Variants in SEMA4D observed in about 807,000 individuals in gnomAD.
The protein encoded by SEMA4D is semaphorin 4D.
SEMA4D carries 22 observed loss-of-function variants against 74.8 expected under a neutral mutation model. The ratio of observed to expected loss-of-function variants is 0.29; its 90% CI spans 0.21 to 0.42. SEMA4D has a LOEUF of 0.42. Ranked by LOEUF, SEMA4D falls within the 10% of genes least tolerant of loss-of-function variation. The pLI is 1.00. For synonymous variants in SEMA4D, 445 were observed against 463.7 expected (o/e 0.96, Z 0.52); for missense variants, 937 against 1,118.4 (o/e 0.84, Z 2.31).
chr9:89,399,065 A>G (rs1841625943), intron 5 of SEMA4D, among the ~76,000 whole-genome samples: 1 of 152,238 alleles, frequency 6.6e-6, no homozygotes, highest in African/African-American at 2.4e-5. Flanking sequence ...AAGGCCAAAT[A>G]TGTTTGGCAC....
intron 7 of SEMA4D, among the ~76,000 whole-genome samples, 193 bp downstream of exon 7, chr9:89,393,369 G>A (rs935379506): frequency 3.3e-5 from 5 of 152,200 alleles, no homozygotes; most frequent in African/African-American, 7.2e-5. Context: ...TTACCATGGC[G>A]GCTATTATCC....
chr9:89,479,346 C>T (rs943662424), intron 1 of SEMA4D, among the ~76,000 whole-genome samples: 1 of 152,246 alleles, frequency 6.6e-6, no homozygotes, highest in African/African-American at 2.4e-5. Flanking sequence ...TTAAAAACTA[C>T]AGCTTTTCGC....
chr9:89,488,117 T>C (rs1374386578), intron 1 of SEMA4D, among the ~76,000 whole-genome samples: 2 of 152,198 alleles, frequency 1.3e-5, no homozygotes, highest in Non-Finnish European at 2.9e-5. Flanking sequence ...TACTGGGACC[T>C]ATGAGGAATA....
chr9:89,466,455 G>A (rs1447361544), intron 1 of SEMA4D, among the ~76,000 whole-genome samples: 1 of 152,066 alleles, frequency 6.6e-6, no homozygotes, highest in African/African-American at 2.4e-5. Flanking sequence ...CCTGGGACAC[G>A]CTAACACTCA....
At chr9:89,452,430 G>A (rs1007843863) in intron 2 of SEMA4D, among the ~76,000 whole-genome samples, 7 of 151,962 alleles carry the variant, frequency 4.6e-5, no homozygotes, top group Non-Finnish European at 1.0e-4. Context: ...CGCCAGCCCC[G>A]GCCTCCCAAA....
chr9:89,464,474 G>A (rs1038551637), intron 1 of SEMA4D, among the ~76,000 whole-genome samples: 3 of 152,068 alleles, frequency 2.0e-5, no homozygotes, highest in Non-Finnish European at 4.4e-5. Flanking sequence ...CAATGCCCAG[G>A]ATCTGGACAG....
intron 2 of SEMA4D, among the ~76,000 whole-genome samples, chr9:89,438,368 T>C (rs1250897606): frequency 2.0e-5 from 3 of 152,234 alleles, no homozygotes; most frequent in Admixed American, 1.3e-4. Context: ...GCACCTCCCA[T>C]GGCAGCTCGT....
intron 9 of SEMA4D, among the ~76,000 whole-genome samples, chr9:89,390,703 G>C (rs1839676278): frequency 6.6e-6 from 1 of 152,140 alleles, no homozygotes; most frequent in African/African-American, 2.4e-5. Flanking sequence ...GTTTCCCCCA[G>C]CTCCCCTGAG....
intron 16 of SEMA4D, among the ~76,000 whole-genome samples, chr9:89,370,546 G>A (rs1834418913): frequency 6.6e-6 from 1 of 150,438 alleles, no homozygotes; most frequent in Non-Finnish European, 1.5e-5. Context: ...TGTGGTGTGA[G>A]GGGGTGTGGT....
rs541774974 is a variant in SEMA4D at position 89,474,348 on chromosome 9, T to G, written c.-309-18395A>C. On this transcript the variant is annotated intron_variant, in intron 1 of 15. Coordinates refer to ENST00000422704, the MANE Select transcript of SEMA4D (RefSeq NM_001371194.2). ...TGCTTGAGTTTAGCAATCACCAGCA[T>G]TCGAATCCAAATAAGAACATCACAA... Among the ~76,000 whole-genome samples, 5 of 148,454 alleles carry G rather than the reference T, an allele frequency of 3.4e-5. No homozygotes were observed. The Admixed American group carries it at 3.4e-4, about 10-fold the overall frequency.
At chr9:89,370,411 G>A (rs1000409962) in intron 16 of SEMA4D, among the ~76,000 whole-genome samples, 2 of 150,802 alleles carry the variant, frequency 1.3e-5, no homozygotes, top group African/African-American at 4.9e-5. Context: ...TGGTGTGTGT[G>A]GTGTGTTTGT....
At chr9:89,460,452 C>T (rs55977762) in intron 1 of SEMA4D, among the ~76,000 whole-genome samples, 28,952 of 152,276 alleles carry the variant, frequency 0.19, 3,324 homozygotes, top group Non-Finnish European at 0.25. Flanking sequence ...CCTCTTCTTA[C>T]TAAGTCTGGA....
intron 2 of SEMA4D, among the ~76,000 whole-genome samples, chr9:89,445,292 A>C (rs1424235602): frequency 2.0e-5 from 3 of 152,200 alleles, no homozygotes; most frequent in Non-Finnish European, 2.9e-5. Flanking sequence ...ACAGCTCCAG[A>C]GCATGGCCAG....
intron 1 of SEMA4D, among the ~76,000 whole-genome samples, chr9:89,467,890 G>C (rs1352746534): frequency 1.3e-5 from 2 of 152,218 alleles, no homozygotes; most frequent in African/African-American, 4.8e-5. Flanking sequence ...AGAGCTGGCA[G>C]TGGCATGTCC....
intron 2 of SEMA4D, chr9:89,449,791 C>G: frequency 6.7e-7 from 1 of 1,502,838 alleles, no homozygotes; most frequent in Non-Finnish European, 9.2e-7. Context: ...GCTTTTCCCA[C>G]CAGCATTTTG....
rs899731647 is a variant in SEMA4D, at chr9:89,378,096, G to A, written c.*608C>T. ...TCCCTGAGAATCTTAAGCAACGTAAGCCGTATTTTATGCCAAATATATAAC... is the reference window on the plus strand; with the variant it reads ...TCCCTGAGAATCTTAAGCAACGTAAACCGTATTTTATGCCAAATATATAAC... On this transcript the variant is annotated 3_prime_UTR_variant, in exon 16 of 16. Coordinates refer to ENST00000422704, the MANE Select transcript of SEMA4D (RefSeq NM_001371194.2). 19 of 152,394 alleles carry A rather than the reference G, an allele frequency of 1.2e-4. No homozygotes were observed. Among genetic ancestry groups the A allele is most frequent in the African/African-American group, 4.6e-4 (19 of 41,350 alleles). 9.4% of individuals were successfully genotyped at this position (152,394 alleles called of 1,614,324 possible). A position where few individuals can be genotyped will look rare whatever the true frequency, so the allele number is the denominator to read the frequency against.
At chr9:89,472,402 C>A in intron 1 of SEMA4D, 1 of 320,824 alleles carries the variant, frequency 3.1e-6, no homozygotes, top group South Asian at 3.0e-5. Flanking sequence ...CACTGGGCAT[C>A]CAAGAACAAT....
intron 13 of SEMA4D, chr9:89,384,771 C>G: frequency 1.0e-6 from 1 of 985,372 alleles, no homozygotes; most frequent in Non-Finnish European, 1.2e-6. Flanking sequence ...GGCCGTTTCT[C>G]CATTTGCTGA....
chr9:89,458,583 C>G (rs1013523169), intron 1 of SEMA4D, among the ~76,000 whole-genome samples: 1 of 152,070 alleles, frequency 6.6e-6, no homozygotes, highest in African/African-American at 2.4e-5. Flanking sequence ...CTTACATGCA[C>G]ACACGTATAC....
Sources: gnomAD v4.1 joint callset for allele counts (sites outside exome capture counted in the v4.1 genomes callset) on GRCh38, gnomAD v4.1.1 for gene constraint, MANE v1.5 for transcripts, NCBI Gene and HGNC (gene_info 2026-07-23, HGNC 2026-07-21) for gene names.